DOCK2: variants seen among roughly 807,000 people sequenced by gnomAD.
The protein encoded by DOCK2 is dedicator of cytokinesis 2.
In DOCK2, 87 loss-of-function variants were observed where a neutral mutation model predicts 248.9. The observed-to-expected ratio is 0.35, with a 90% CI of 0.29 to 0.42. DOCK2 has a LOEUF of 0.42. Ranked by LOEUF, DOCK2 falls within the 10% of genes least tolerant of loss-of-function variation. The pLI is 1.00. For missense variants in DOCK2, 1,747 were observed against 2,300.2 expected, an observed-to-expected ratio of 0.76 and a Z score of 4.92; for synonymous variants, 805 against 821.6, an observed-to-expected ratio of 0.98 and a Z score of 0.35.
At chr5:169,694,793 A>G (rs1408136622) in intron 9 of DOCK2, among the ~76,000 whole-genome samples, 5 of 151,984 alleles carry the variant, frequency 3.3e-5, no homozygotes, top group Non-Finnish European at 1.5e-5. Flanking sequence ...CAGCCTGGAC[A>G]ACATAGTGAG....
intron 26 of DOCK2, among the ~76,000 whole-genome samples, chr5:169,814,210 C>A (rs1157704356): frequency 1.3e-5 from 2 of 152,162 alleles, no homozygotes; most frequent in African/African-American, 2.4e-5. Flanking sequence ...AAAGGGAAAC[C>A]ACCAGCAGGG....
chr5:170,020,535 C>T (rs1755684974), intron 33 of DOCK2, among the ~76,000 whole-genome samples: 1 of 152,200 alleles, frequency 6.6e-6, no homozygotes, highest in African/African-American at 2.4e-5. Context: ...TGTATTAGTT[C>T]ATGCAGTCTT....
At chr5:169,659,090 A>T (rs769175377) in intron 2 of DOCK2, among the ~76,000 whole-genome samples, 3 of 151,186 alleles carry the variant, frequency 2.0e-5, no homozygotes, top group Non-Finnish European at 4.4e-5. Flanking sequence ...GGGCCCAAGC[A>T]GTCCTCCTGC....
intron 27 of DOCK2, among the ~76,000 whole-genome samples, chr5:169,907,985 A>G (rs1035288033): frequency 5.3e-5 from 8 of 152,278 alleles, no homozygotes; most frequent in South Asian, 2.1e-4. Flanking sequence ...CCCAGTCTCC[A>G]CTGAAGTGTT....
intron 30 of DOCK2, among the ~76,000 whole-genome samples, chr5:170,002,781 C>CA (rs951916108): frequency 6.6e-6 from 1 of 152,054 alleles, no homozygotes; most frequent in South Asian, 2.1e-4. Context: ...CCTATAATTT[C>CA]AAAATATTAA....
chr5:169,814,947 A>G (rs964618291), intron 26 of DOCK2, among the ~76,000 whole-genome samples: 1 of 152,216 alleles, frequency 6.6e-6, no homozygotes, highest in African/African-American at 2.4e-5. Flanking sequence ...CAGAAGGCCA[A>G]TGTAACCTCC....
chr5:169,904,221 T>A (rs1774142640), intron 27 of DOCK2, among the ~76,000 whole-genome samples: 2 of 152,138 alleles, frequency 1.3e-5, no homozygotes, highest in Non-Finnish European at 2.9e-5. Flanking sequence ...GCCTGATGAT[T>A]TGGTTCCCAA....
chr5:169,829,111 G>A (rs1769062615), intron 26 of DOCK2, among the ~76,000 whole-genome samples: 1 of 152,030 alleles, frequency 6.6e-6, no homozygotes, highest in African/African-American at 2.4e-5. Flanking sequence ...GGGGAGAAAA[G>A]GGAGGAAAGT....
In DOCK2 at chr5:170,034,574, T is replaced by C. The variant is rs958818294; in HGVS notation, c.3624+19T>C. The C allele has an allele frequency of 1.9e-6, 3 of 1,613,302 alleles. No homozygotes were observed. The African/African-American group carries it at 4.0e-5, about 22-fold the overall frequency. ...CCTGCTGGTGCGTGGGGCTGGCGGG[T>C]CCAAGTCAGACCAGAACCCTGTGGG... On this transcript the variant is annotated intron_variant, in intron 35 of 51. Coordinates refer to ENST00000520908, the MANE Select transcript of DOCK2 (RefSeq NM_004946.3).
intron 29 of DOCK2, among the ~76,000 whole-genome samples, chr5:169,990,409 T>C (rs953160205): frequency 6.6e-6 from 1 of 152,178 alleles, no homozygotes; most frequent in Non-Finnish European, 1.5e-5. Context: ...TACCTCTTCA[T>C]GGTTTCATTA....
At chr5:170,082,586 T>G (rs1326945035) in intron 51 of DOCK2, among the ~76,000 whole-genome samples, 1 of 152,134 alleles carries the variant, frequency 6.6e-6, no homozygotes, top group Non-Finnish European at 1.5e-5. Context: ...GTAAGTGAGG[T>G]GCCCAAGTCC....
At chr5:169,903,700 A>C (rs1011755489) in intron 27 of DOCK2, among the ~76,000 whole-genome samples, 5 of 152,132 alleles carry the variant, frequency 3.3e-5, no homozygotes, top group Non-Finnish European at 7.4e-5. Flanking sequence ...TACTCGGGGC[A>C]GGGGGAGAAA....
intron 30 of DOCK2, among the ~76,000 whole-genome samples, chr5:170,007,573 G>A (rs1755086768): frequency 6.6e-6 from 1 of 152,164 alleles, no homozygotes; most frequent in Non-Finnish European, 1.5e-5. Flanking sequence ...GAGGCTCCGT[G>A]ATGAATCCAT....
At chr5:170,029,882 G>A (rs1756066962) in intron 34 of DOCK2, among the ~76,000 whole-genome samples, 1 of 152,336 alleles carries the variant, frequency 6.6e-6, no homozygotes, top group Admixed American at 6.5e-5. Context: ...CAGAGGACAG[G>A]ATGGCGCCCC....
intron 26 of DOCK2, among the ~76,000 whole-genome samples, chr5:169,830,412 T>C (rs1769148809): frequency 6.6e-6 from 1 of 152,228 alleles, no homozygotes; most frequent in Non-Finnish European, 1.5e-5. Context: ...ATTGAGATAT[T>C]GAACACAAAG....
At chr5:169,823,210 A>T (rs1228347376) in intron 26 of DOCK2, among the ~76,000 whole-genome samples, 1 of 152,238 alleles carries the variant, frequency 6.6e-6, no homozygotes, top group Admixed American at 6.5e-5. Flanking sequence ...AGCTGATACC[A>T]TTCCTTCTGA....
intron 46 of DOCK2, among the ~76,000 whole-genome samples, chr5:170,071,380 C>T (rs1409479936): frequency 1.3e-5 from 2 of 152,170 alleles, no homozygotes; most frequent in Non-Finnish European, 2.9e-5. Context: ...ACTTAAAACA[C>T]GAGAAGGTTA....
In DOCK2 at chr5:170,056,725, G is replaced by A. The variant is rs2113858225; in HGVS notation, c.4337G>A (p.Arg1446Gln). 5 of 1,613,984 alleles carry A rather than the reference G, an allele frequency of 3.1e-6. No individual in the cohort carries two copies. Among genetic ancestry groups the A allele is most frequent in the Non-Finnish European group, 4.2e-6 (5 of 1,179,952 alleles). ...SNYVQRFHYS[R>Q]PVRRGTVDPE... ...TACGTGCAAAGGTTCCACTACTCCCGGCCCGTGCGCAGGGGGACCGTAGAC... is the reference window on the plus strand; with the variant it reads ...TACGTGCAAAGGTTCCACTACTCCCAGCCCGTGCGCAGGGGGACCGTAGAC... Residue 1446 changes from arginine to glutamine, a missense_variant, in exon 43 of 52, where the codon CGG becomes CAG. Physicochemically the swap from Arg to Gln is conservative, Grantham distance 43. This residue lies in a region of DOCK2 where 513 missense variants were observed against 586.1 expected (regional missense o/e 0.88). Transcript: ENST00000520908.
At chr5:169,754,834 C>A (rs1764104099) in intron 23 of DOCK2, among the ~76,000 whole-genome samples, 1 of 152,122 alleles carries the variant, frequency 6.6e-6, no homozygotes, top group Non-Finnish European at 1.5e-5. Flanking sequence ...ATTTTCCACT[C>A]ATAGAGTAGT....
Sources: allele counts gnomAD v4.1 joint callset (sites outside exome capture counted in the v4.1 genomes callset), GRCh38; gene constraint gnomAD v4.1.1; regional missense constraint gnomAD v4.1.1; transcripts MANE v1.5; gene names NCBI Gene and HGNC (gene_info 2026-07-23, HGNC 2026-07-21).